Variants in C4orf36 observed in about 807,000 individuals in gnomAD.
C4orf36 encodes uncharacterized protein C4orf36.
Under a neutral mutation model 12.2 loss-of-function variants are expected in C4orf36, and 11 were observed. The observed-to-expected ratio is 0.90, with a 90% CI of 0.57 to 1.49. The LOEUF is 1.49. Ranked by LOEUF, C4orf36 falls within the 40% of genes most tolerant of loss-of-function variation. The pLI is 0.00. For missense variants in C4orf36, 137 were observed against 133.9 expected (o/e 1.02, Z -0.11); for synonymous variants, 54 against 51.3 (o/e 1.05, Z -0.22).
chr4:86,935,067 G>A, the C4orf36 span: 1 of 152,012 alleles, frequency 6.6e-6, no homozygotes, highest in Admixed American at 6.5e-5. Context: ...CGCCGCCTGC[G>A]CGCGTTGCGG....
intron 4 of C4orf36, chr4:86,887,131 G>T (rs1747203212): frequency 6.6e-6 from 1 of 151,760 alleles, no homozygotes; most frequent in African/African-American, 2.4e-5. Context: ...GGGTATGGGG[G>T]AGGGATAGCA....
chr4:86,932,690 G>C, the C4orf36 span, among the ~76,000 whole-genome samples: 2 of 137,530 alleles, frequency 1.5e-5, no homozygotes, highest in African/African-American at 2.7e-5. Flanking sequence ...AAAATTGTCA[G>C]GTAACATCCC....
At chr4:86,933,005 T>C in the C4orf36 span, among the ~76,000 whole-genome samples, 1 of 152,246 alleles carries the variant, frequency 6.6e-6, no homozygotes. Flanking sequence ...TACTCTCCTT[T>C]TGTTTATGTC....
rs1746984963 is a variant in C4orf36, at chr4:86,878,981, C to T, written c.*3-2538G>A. Among the ~76,000 whole-genome samples the T allele has an allele frequency of 1.3e-5, 2 of 152,232 alleles. 1 individual carries two copies. Among genetic ancestry groups the T allele is most frequent in the Admixed American group, 1.3e-4 (2 of 15,286 alleles). ...GAAAGGTTTGGGAGGTCGCCATACA[C>T]TCTAGCCAGGCTGACTGGTGAAGAC... is the stretch of plus-strand genomic sequence containing the variant. On this transcript the variant is annotated intron_variant, in intron 4 of 4. Transcript: ENST00000295898.
At chr4:86,904,839 G>A in the C4orf36 span, among the ~76,000 whole-genome samples, 5 of 152,224 alleles carry the variant, frequency 3.3e-5, no homozygotes, top group African/African-American at 1.2e-4. Flanking sequence ...GCCACACGTA[G>A]CTGCTGTTAA....
the C4orf36 span, among the ~76,000 whole-genome samples, chr4:86,906,526 G>A: frequency 9.6e-4 from 146 of 151,934 alleles, 1 homozygote; most frequent in Non-Finnish European, 1.7e-3. Flanking sequence ...CCCGGAGTTC[G>A]AGACCAGCCT....
the C4orf36 span, chr4:86,913,947 C>A: frequency 6.7e-7 from 1 of 1,492,056 alleles, no homozygotes; most frequent in Admixed American, 1.7e-5. Flanking sequence ...GCCTCAGCCT[C>A]CCGAGTAGCT....
the C4orf36 span, among the ~76,000 whole-genome samples, chr4:86,907,958 A>AG: frequency 5.3e-5 from 8 of 150,948 alleles, no homozygotes; most frequent in African/African-American, 1.9e-4. Context: ...ACTGTGCCTC[A>AG]GAAAAAAAAA....
chr4:86,911,275 G>A, the C4orf36 span, among the ~76,000 whole-genome samples: 7 of 152,112 alleles, frequency 4.6e-5, no homozygotes, highest in Non-Finnish European at 7.3e-5. Context: ...TTGAACAGTG[G>A]TGAGATCCCA....
At chr4:86,897,920 G>A in the C4orf36 span, among the ~76,000 whole-genome samples, 1 of 152,116 alleles carries the variant, frequency 6.6e-6, no homozygotes, top group Non-Finnish European at 1.5e-5. Flanking sequence ...CCTCAGGCAA[G>A]CACAAAGCAT....
chr4:86,917,524 G>T, the C4orf36 span, among the ~76,000 whole-genome samples: 1 of 144,040 alleles, frequency 6.9e-6, no homozygotes, highest in Non-Finnish European at 1.5e-5. Context: ...AGAAAGAAAA[G>T]AGAGAGAAAG....
At chr4:86,918,806 T>G in the C4orf36 span, among the ~76,000 whole-genome samples, 1 of 25,076 alleles carries the variant, frequency 4.0e-5, no homozygotes, top group Admixed American at 7.0e-4. Flanking sequence ...GTGTGTTGTG[T>G]GTGCGTGTGT....
chr4:86,907,059 T>TAG, the C4orf36 span, among the ~76,000 whole-genome samples: 2 of 100,360 alleles, frequency 2.0e-5, no homozygotes, highest in Non-Finnish European at 5.0e-5. Flanking sequence ...TAAATAAATA[T>TAG]TAAAATAAAA....
chr4:86,889,573 G>A (rs968700754), intron 2 of C4orf36, among the ~76,000 whole-genome samples: 2 of 152,036 alleles, frequency 1.3e-5, no homozygotes, highest in African/African-American at 4.8e-5. Flanking sequence ...TATGAAAGAG[G>A]CAGGTGCTAC....
At chr4:86,906,505 A>G in the C4orf36 span, among the ~76,000 whole-genome samples, 5 of 152,088 alleles carry the variant, frequency 3.3e-5, no homozygotes, top group Non-Finnish European at 7.3e-5. Flanking sequence ...AGGCAGGCAG[A>G]TTGCTTGAGG....
chr4:86,893,383 G>C (rs1747501550), upstream of C4orf36, among the ~76,000 whole-genome samples: 2 of 152,150 alleles, frequency 1.3e-5, no homozygotes, highest in African/African-American at 4.8e-5. Context: ...AGGGGTTCGA[G>C]ACCAGCCTGG....
At chr4:86,879,578 G>T (rs1163840197) in intron 4 of C4orf36, among the ~76,000 whole-genome samples, 1 of 152,104 alleles carries the variant, frequency 6.6e-6, no homozygotes, top group Non-Finnish European at 1.5e-5. Context: ...TGCATGATGG[G>T]AGACCCAGAA....
At chr4:86,909,069 G>A in the C4orf36 span, among the ~76,000 whole-genome samples, 1 of 152,170 alleles carries the variant, frequency 6.6e-6, no homozygotes, top group Admixed American at 6.5e-5. Flanking sequence ...CAATCTCTCT[G>A]TGTCCTTCTC....
the C4orf36 span, chr4:86,925,368 T>C: frequency 6.6e-6 from 1 of 152,100 alleles, no homozygotes; most frequent in African/African-American, 2.4e-5. Context: ...ATTATGGGCA[T>C]GCACCACCAC....
Sources: gnomAD v4.1 joint callset for allele counts (sites outside exome capture counted in the v4.1 genomes callset) on GRCh38, gnomAD v4.1.1 for gene constraint, MANE v1.5 for transcripts, NCBI Gene and HGNC (gene_info 2026-07-23, HGNC 2026-07-21) for gene names.